The following RADIL variants were observed in gnomAD, a reference collection of about 807,000 sequenced individuals.
The protein encoded by RADIL is Rap associating with DIL domain, also known as ras-associating and dilute domain-containing protein.
A neutral mutation model predicts 97.6 loss-of-function variants in RADIL; 99 were observed. That is an observed-to-expected ratio of 1.01 (90% CI 0.86 to 1.20). RADIL has a LOEUF of 1.20. Ranked by LOEUF, RADIL falls within the 50% of genes most tolerant of loss-of-function variation. The probability of loss-of-function intolerance (pLI) is 0.00; values close to 1 mark genes in which losing one functional copy is unlikely to be tolerated. For synonymous variants in RADIL, 803 were observed against 691.8 expected (o/e 1.16, Z -2.52); for missense variants, 1,765 against 1,498.9 (o/e 1.18, Z -2.93).
chr7:4,832,204 G>C (rs1279197039), intron 4 of RADIL, 26 bp from the exon 5 acceptor site: 2 of 1,606,048 alleles, frequency 1.2e-6, no homozygotes, highest in Admixed American at 1.7e-5. Context: ...GGGAGAAAAA[G>C]CAAGTGAGCA....
chr7:4,809,797 C>A (rs1434911141), intron 9 of RADIL, among the ~76,000 whole-genome samples: 1 of 152,154 alleles, frequency 6.6e-6, no homozygotes, highest in African/African-American at 2.4e-5. Context: ...ATTCATACGT[C>A]TCAGCCTCCC....
Position 4,802,333 on chromosome 7 carries a change from C to A in RADIL, c.2500-338G>T, listed in dbSNP as rs71207084. On this transcript the variant is annotated intron_variant, in intron 11 of 14. Coordinates refer to ENST00000399583, the MANE Select transcript of RADIL (RefSeq NM_018059.5). ...GGTACCTCGGGGCATGCTGGCTGGG[C>A]CCCCTCCCCGGGTACCTCGGGGCAC... is the stretch of plus-strand genomic sequence containing the variant. Among the ~76,000 whole-genome samples, 17 of 140,266 alleles carry A rather than the reference C, an allele frequency of 1.2e-4. No individual in the cohort carries two copies. The East Asian group carries it at 2.9e-3, about 24-fold the overall frequency. The allele number at this position is 140,266 out of a possible 152,430, so 92.0% of individuals were successfully genotyped here.
intron 2 of RADIL, chr7:4,865,808 C>T: frequency 1.3e-6 from 1 of 797,978 alleles, no homozygotes; most frequent in South Asian, 1.4e-5. Flanking sequence ...GCCATGGCAG[C>T]AGCGGAGGCA....
chr7:4,804,299 C>A (rs972338654), intron 10 of RADIL, among the ~76,000 whole-genome samples: 6 of 152,232 alleles, frequency 3.9e-5, no homozygotes, highest in South Asian at 2.1e-4. Context: ...TGAATCAATG[C>A]GGAGGAAGGA....
chr7:4,799,883 C>T (rs1583252930), intron 13 of RADIL, 114 bp from the exon 14 acceptor site: 4 of 1,392,756 alleles, frequency 2.9e-6, no homozygotes, highest in East Asian at 2.5e-5. Context: ...TCCAGCCAGG[C>T]CCACTCATGG....
chr7:4,833,697 C>A (rs995603204), intron 4 of RADIL, among the ~76,000 whole-genome samples: 1 of 152,212 alleles, frequency 6.6e-6, no homozygotes, highest in Non-Finnish European at 1.5e-5. Flanking sequence ...ATAAGCGGGG[C>A]CCAGACTAGC....
chr7:4,861,551 G>A (rs1263119257), intron 2 of RADIL: 1 of 1,613,924 alleles, frequency 6.2e-7, no homozygotes, highest in African/African-American at 1.3e-5. Context: ...TACAGACTGG[G>A]GAAGACTCTT....
chr7:4,830,191 C>T (rs1783101187), intron 5 of RADIL, among the ~76,000 whole-genome samples: 1 of 152,178 alleles, frequency 6.6e-6, no homozygotes, highest in South Asian at 2.1e-4. Flanking sequence ...TGCTTTTTCC[C>T]AACATTGTCT....
At chr7:4,806,382 G>A (rs1415869911) in intron 9 of RADIL, among the ~76,000 whole-genome samples, 4 of 151,888 alleles carry the variant, frequency 2.6e-5, no homozygotes, top group Non-Finnish European at 5.9e-5. Flanking sequence ...TCAAACTCCT[G>A]GTCTCAAACT....
intron 2 of RADIL, among the ~76,000 whole-genome samples, chr7:4,853,356 C>A (rs998330940): frequency 6.6e-6 from 1 of 152,136 alleles, no homozygotes; most frequent in African/African-American, 2.4e-5. Context: ...TCCAGGTGGG[C>A]CTCACCTAAA....
Position 4,878,312 on chromosome 7 carries a change from G to A in RADIL, c.-64-109C>T. The stretch of plus-strand genomic sequence containing the variant: ...TCATCCCAGCGCTTTAGAAGGCCAA[G>A]GTGGGAGGACGGCTTGAGCCCGGGA... On this transcript the variant is annotated intron_variant, in intron 1 of 14. Transcript: ENST00000399583. This position sits in a 1 kb window ranked among gnomAD's most constrained non-coding sequence, Gnocchi z 4.1. The A allele has an allele frequency of 1.4e-6, 1 of 714,766 alleles. No homozygotes were observed. The highest frequency in any genetic ancestry group is 2.8e-5 in the East Asian group (1 of 36,236). 44.3% of individuals were successfully genotyped at this position (714,766 alleles called of 1,614,324 possible).
At chr7:4,841,926 T>G (rs569719909) in intron 2 of RADIL, among the ~76,000 whole-genome samples, 1 of 151,936 alleles carries the variant, frequency 6.6e-6, no homozygotes, top group Non-Finnish European at 1.5e-5. Flanking sequence ...TGTGGTGGTG[T>G]GTGCCTGCAG....
intron 2 of RADIL, among the ~76,000 whole-genome samples, chr7:4,868,605 C>T (rs1030186386): frequency 1.3e-5 from 2 of 152,222 alleles, no homozygotes; most frequent in African/African-American, 4.8e-5. Flanking sequence ...GTGCCAGCTT[C>T]ACGTTTTCTA....
Position 4,883,390 on chromosome 7 carries a change from GC to G in RADIL, c.-65+205del, listed in dbSNP as rs1208045698. Among the ~76,000 whole-genome samples, 2 of 152,050 alleles carry G rather than the reference GC, an allele frequency of 1.3e-5. No homozygotes were observed. Among genetic ancestry groups the G allele is most frequent in the East Asian group, 1.9e-4 (1 of 5,132 alleles). On this transcript the variant is annotated intron_variant, in intron 1 of 14. Coordinates refer to ENST00000399583, the MANE Select transcript of RADIL (RefSeq NM_018059.5). This position sits in a 1 kb window ranked among gnomAD's most constrained non-coding sequence, Gnocchi z 7.1. ...CCGCGCTAGCCGGCCTCCGGGTACC[GC>G]CCCCCGGTCCAGGCCGGGGCCCGAC...
intron 2 of RADIL, among the ~76,000 whole-genome samples, chr7:4,853,112 T>A (rs1285066476): frequency 1.3e-5 from 2 of 152,092 alleles, no homozygotes. Context: ...GTATTTTGCA[T>A]GTGGGTGTAG....
At chr7:4,816,545 T>C in intron 7 of RADIL, 80 bp from the exon 8 acceptor site, 1 of 1,199,566 alleles carries the variant, frequency 8.3e-7, no homozygotes, top group South Asian at 1.4e-5. Context: ...CCCAGCGAGC[T>C]CCCCACCCAC....
chr7:4,812,224 T>C (rs939539582), intron 9 of RADIL, among the ~76,000 whole-genome samples: 1 of 152,198 alleles, frequency 6.6e-6, no homozygotes, highest in African/African-American at 2.4e-5. Context: ...GATTTTTAAC[T>C]TCCTGTTGAA....
Position 4,803,844 on chromosome 7 carries a change from G to T in RADIL, c.2291-90C>A, listed in dbSNP as rs1053840697. ...CGCCCAACGGTGTGGGAACCCAGGG[G>T]CCAGCAGATTGAGCCCTGAGTCCCC... On this transcript the variant is annotated intron_variant, in intron 10 of 14. Coordinates refer to ENST00000399583, the MANE Select transcript of RADIL (RefSeq NM_018059.5). 4.1e-6 allele frequency: 5 copies of T among 1,227,790 alleles called. No homozygotes were observed. In the African/African-American group the frequency reaches 6.0e-5, roughly 15 times the overall value. 76.1% of individuals were successfully genotyped at this position (1,227,790 alleles called of 1,614,324 possible).
At position 4,814,058 on chromosome 7, in the gene RADIL, G is replaced by A. The variant is rs1782613259; in HGVS notation, c.2139+1220C>T. 6.6e-6 allele frequency among the ~76,000 whole-genome samples: 1 copy of A among 152,162 alleles called. No homozygotes were observed. The highest frequency in any genetic ancestry group is 6.6e-5 in the Admixed American group (1 of 15,262). On this transcript the variant is annotated intron_variant, in intron 9 of 14. Transcript: ENST00000399583. This position sits in a 1 kb window ranked among gnomAD's most constrained non-coding sequence, Gnocchi z 4.5. ...GCCTCTCAAAGCACTGGGAGGACAG[G>A]CATGAGCCACCGTGCCTGGCCGAGT...
Sources: gnomAD v4.1 joint callset for allele counts (sites outside exome capture counted in the v4.1 genomes callset) on GRCh38, gnomAD v4.1.1 for gene constraint, Gnocchi (gnomAD v3.1) non-coding constraint, MANE v1.5 for transcripts, NCBI Gene and HGNC (gene_info 2026-07-23, HGNC 2026-07-21) for gene names.